The following AGAP1 variants were observed in gnomAD, a reference collection of about 807,000 sequenced individuals.
AGAP1 encodes ArfGAP with GTPase domain, ankyrin repeat and PH domain 1, also known as arf-GAP with GTPase, ANK repeat and PH domain-containing protein 1.
A neutral mutation model predicts 105.3 loss-of-function variants in AGAP1; 29 were observed. The observed-to-expected ratio is 0.28, with a 90% confidence interval of 0.21 to 0.38. AGAP1 has a LOEUF of 0.38. Among genes scored for constraint, AGAP1 ranks in the 10% least tolerant of loss-of-function variants. The pLI is 1.00. For synonymous variants in AGAP1, 509 were observed against 485.9 expected (o/e 1.05, Z -0.63); for missense variants, 998 against 1,165.1 (o/e 0.86, Z 2.09).
chr2:235,993,904 A>T lies in AGAP1; in HGVS notation c.1645+25281A>T, dbSNP rs2055678537. On this transcript the variant is annotated intron_variant, in intron 13 of 17. Transcript: ENST00000304032. This position sits in a 1 kb window ranked among gnomAD's most constrained non-coding sequence, Gnocchi z 5.0. ...GACCTCGTCACTTCTGATTTGGGAA[A>T]AGTCTGTGAGCAAATGGGATTTTAC... Among the ~76,000 whole-genome samples the T allele has an allele frequency of 6.6e-6, 1 of 152,160 alleles. No homozygotes were observed. The highest frequency in any genetic ancestry group is 2.1e-4 in the South Asian group (1 of 4,830).
chr2:235,894,911 G>C (rs1049247495), intron 10 of AGAP1, among the ~76,000 whole-genome samples: 3 of 152,152 alleles, frequency 2.0e-5, no homozygotes, highest in Non-Finnish European at 2.9e-5. Context: ...TGGAGTCCTG[G>C]GACTCAGGCA....
intron 9 of AGAP1, among the ~76,000 whole-genome samples, chr2:235,876,743 G>A (rs151037022): frequency 7.9e-5 from 12 of 151,996 alleles, no homozygotes; most frequent in South Asian, 2.1e-4. Context: ...TTGCATCTGC[G>A]TTCTCCTTGC....
intron 12 of AGAP1, among the ~76,000 whole-genome samples, chr2:235,938,116 T>C (rs1575827225): frequency 6.6e-6 from 1 of 152,188 alleles, no homozygotes; most frequent in East Asian, 1.9e-4. Context: ...TCAGCGGCAG[T>C]CCTGCTGCCA....
rs979616195 is a variant in AGAP1 at position 235,960,107 on chromosome 2, A to G, written c.1484-8355A>G. 2.0e-5 allele frequency among the ~76,000 whole-genome samples: 3 copies of G among 152,072 alleles called. No individual in the cohort carries two copies. The highest frequency in any genetic ancestry group is 2.0e-4 in the Admixed American group (3 of 15,282). The stretch of plus-strand genomic sequence containing the variant: ...CACTGCCTCAACTCCATGCCTCCAA[A>G]TGGGGGCGGGGAGGGTGCTTGCGGA... On this transcript the variant is annotated intron_variant, in intron 12 of 17. Coordinates refer to ENST00000304032, the MANE Select transcript of AGAP1 (RefSeq NM_001037131.3). This position sits in a 1 kb window ranked among gnomAD's most constrained non-coding sequence, Gnocchi z 4.9.
At chr2:235,822,296 G>A (rs957245286) in intron 9 of AGAP1, among the ~76,000 whole-genome samples, 1 of 152,206 alleles carries the variant, frequency 6.6e-6, no homozygotes, top group African/African-American at 2.4e-5. Flanking sequence ...GTATTGGAGG[G>A]AAGGAGTAAA....
chr2:236,013,984 G>T (rs559665362), intron 13 of AGAP1, among the ~76,000 whole-genome samples: 32 of 152,314 alleles, frequency 2.1e-4, no homozygotes, highest in African/African-American at 6.3e-4. Context: ...GGTGGAGAAT[G>T]TGTCTCTGGA....
chr2:235,689,174 T>C lies in AGAP1; in HGVS notation c.164-20005T>C, dbSNP rs1179054830. On this transcript the variant is annotated intron_variant, in intron 1 of 17. Transcript: ENST00000304032. This position sits in a 1 kb window ranked among gnomAD's most constrained non-coding sequence, Gnocchi z 4.2. ...CAGGGCTTCTGCGCTTTGCTGGCCC[T>C]TGTGCTGCCTTCGGTAGATGGCCCC... Among the ~76,000 whole-genome samples, 1 of 152,234 alleles carries C rather than the reference T, an allele frequency of 6.6e-6. No individual in the cohort carries two copies. The highest frequency in any genetic ancestry group is 1.5e-5 in the Non-Finnish European group (1 of 68,040).
rs1399253081 is a variant in AGAP1, at chr2:235,891,694, G to T, written c.1155+8245G>T. On this transcript the variant is annotated intron_variant, in intron 10 of 17. Transcript: ENST00000304032. The surrounding 1 kb of genome is among the most constrained non-coding windows in gnomAD (Gnocchi z 4.2). ...TGGACCTGGAAGGATGAGCTGAGTG[G>T]CCTCACGGTCAAGCCAAGGACTTCA... Among the ~76,000 whole-genome samples the T allele has an allele frequency of 6.6e-6, 1 of 152,148 alleles. No homozygotes were observed. The highest frequency in any genetic ancestry group is 1.9e-4 in the East Asian group (1 of 5,190).
rs529538533 is a variant in AGAP1 at position 235,979,966 on chromosome 2, C to CA, written c.1645+11351dup. Among the ~76,000 whole-genome samples the CA allele has an allele frequency of 1.7e-4, 26 of 151,680 alleles. No individual in the cohort carries two copies. The highest frequency in any genetic ancestry group is 6.2e-4 in the South Asian group (3 of 4,810). On this transcript the variant is annotated intron_variant, in intron 13 of 17. Coordinates refer to ENST00000304032, the MANE Select transcript of AGAP1 (RefSeq NM_001037131.3). The surrounding 1 kb of genome is among the most constrained non-coding windows in gnomAD (Gnocchi z 4.5). ...TGCTGCCTCTGCATGCAGTAAAATACAAAAAAAAGAGAGATAGAGAAAGCA... is the reference window on the plus strand; with the variant it reads ...TGCTGCCTCTGCATGCAGTAAAATACAAAAAAAAAGAGAGATAGAGAAAGCA...
chr2:235,933,631 C>G (rs141370001), intron 12 of AGAP1, among the ~76,000 whole-genome samples: 48 of 151,670 alleles, frequency 3.2e-4, no homozygotes, highest in African/African-American at 1.2e-3. Context: ...CTCCCGGACT[C>G]AAGCAGTTCT....
chr2:235,885,875 T>C (rs565779216), intron 10 of AGAP1, among the ~76,000 whole-genome samples: 2 of 152,348 alleles, frequency 1.3e-5, no homozygotes, highest in South Asian at 2.1e-4. Context: ...AGATATTCTT[T>C]ATTGCAGTAA....
At chr2:235,803,027 GGTTGTGATGGTGA>G (rs1957631956) in intron 8 of AGAP1, among the ~76,000 whole-genome samples, 4 of 150,840 alleles carry the variant, frequency 2.7e-5, no homozygotes, top group African/African-American at 4.9e-5. Flanking sequence ...TGGTGGTGAT[GGTTGTGATGGTGA>G]TGATGGTTGT....
At chr2:236,043,738 TG>T (rs564365759) in intron 15 of AGAP1, among the ~76,000 whole-genome samples, 23 of 131,914 alleles carry the variant, frequency 1.7e-4, no homozygotes, top group South Asian at 7.4e-4. Flanking sequence ...AAAAAAAAAG[TG>T]GGGGGGGTGC....
chr2:235,857,618 C>A (rs147543883), intron 9 of AGAP1, among the ~76,000 whole-genome samples: 1 of 152,216 alleles, frequency 6.6e-6, no homozygotes, highest in Non-Finnish European at 1.5e-5. Context: ...CACATGTATA[C>A]ATTGTCTGTT....
chr2:235,892,584 A>G (rs74835852), intron 10 of AGAP1, among the ~76,000 whole-genome samples: 17 of 68,152 alleles, frequency 2.5e-4, no homozygotes, highest in South Asian at 3.1e-3. Context: ...TCATTCAAGA[A>G]AAAAAAAAAA....
rs971600123 is a variant in AGAP1, at chr2:236,005,259, C to G, written c.1646-31302C>G. Among the ~76,000 whole-genome samples, 2 of 152,100 alleles carry G rather than the reference C, an allele frequency of 1.3e-5. No homozygotes were observed. The highest frequency in any genetic ancestry group is 2.9e-5 in the Non-Finnish European group (2 of 68,012). ...CTCCCAGACTCAAGCGATTCTTGCC[C>G]CTCAGCCTCCCAAATAGCTGGGACT... On this transcript the variant is annotated intron_variant, in intron 13 of 17. Coordinates refer to ENST00000304032, the MANE Select transcript of AGAP1 (RefSeq NM_001037131.3). The surrounding 1 kb of genome is among the most constrained non-coding windows in gnomAD (Gnocchi z 4.1).
At chr2:235,702,185 T>A (rs886807854) in intron 1 of AGAP1, among the ~76,000 whole-genome samples, 1 of 152,104 alleles carries the variant, frequency 6.6e-6, no homozygotes, top group African/African-American at 2.4e-5. Flanking sequence ...GACCATCAAG[T>A]CATTCTAATA....
At chr2:236,079,524 C>T (rs1173511383) in intron 16 of AGAP1, among the ~76,000 whole-genome samples, 2 of 146,632 alleles carry the variant, frequency 1.4e-5, no homozygotes, top group African/African-American at 2.6e-5. Context: ...ACAGAGACCT[C>T]GTCTCAAAAA....
rs1311524042 is a variant in AGAP1, at chr2:235,741,283, C to T, written c.396+235C>T. On this transcript the variant is annotated intron_variant, in intron 4 of 17. Transcript: ENST00000304032. The surrounding 1 kb of genome is among the most constrained non-coding windows in gnomAD (Gnocchi z 4.9). ...GGTTTATGTGATGGCTTTTCACTTT[C>T]TGTGTTTTTAAAAAGGCAGGAAACG... Among the ~76,000 whole-genome samples, 1 of 152,064 alleles carries T rather than the reference C, an allele frequency of 6.6e-6. No homozygotes were observed. Among genetic ancestry groups the T allele is most frequent in the African/African-American group, 2.4e-5 (1 of 41,412 alleles).
Sources: allele counts gnomAD v4.1 joint callset (sites outside exome capture counted in the v4.1 genomes callset), GRCh38; gene constraint gnomAD v4.1.1; non-coding constraint Gnocchi (gnomAD v3.1); transcripts MANE v1.5; gene names NCBI Gene and HGNC (gene_info 2026-07-23, HGNC 2026-07-21).